C1GALT1: variants seen among roughly 807,000 people sequenced by gnomAD.
C1GALT1 encodes core 1 synthase, glycoprotein-N-acetylgalactosamine 3-beta-galactosyltransferase 1, also known as glycoprotein-N-acetylgalactosamine 3-beta-galactosyltransferase 1.
In C1GALT1, 11 loss-of-function variants were observed where a neutral mutation model predicts 31.0. The observed-to-expected ratio is 0.36, with a 90% CI of 0.22 to 0.59. The LOEUF is 0.59. Ranked by LOEUF, C1GALT1 falls within the 20% of genes least tolerant of loss-of-function variation. C1GALT1 has a pLI of 0.79. For synonymous variants in C1GALT1, 175 were observed against 143.6 expected (o/e 1.22, Z -1.56); for missense variants, 424 against 425.2 (o/e 1.00, Z 0.03).
At chr7:7,163,887 C>T (rs1402773769) in intron 2 of C1GALT1, among the ~76,000 whole-genome samples, 3 of 151,488 alleles carry the variant, frequency 2.0e-5, no homozygotes, top group Non-Finnish European at 4.4e-5. Context: ...AATGGCCATA[C>T]TGCCCAAGGT....
intron 1 of C1GALT1, among the ~76,000 whole-genome samples, chr7:7,212,296 G>C (rs760692787): frequency 6.6e-5 from 10 of 151,888 alleles, no homozygotes; most frequent in African/African-American, 2.2e-4. Context: ...TATGATGCCA[G>C]TTCTCCCAGG....
At chr7:7,231,291 G>C (rs190484851) in intron 1 of C1GALT1, among the ~76,000 whole-genome samples, 2 of 152,146 alleles carry the variant, frequency 1.3e-5, no homozygotes, top group East Asian at 3.9e-4. Context: ...ATGTACTTAG[G>C]TAACATTTTC....
intron 1 of C1GALT1, among the ~76,000 whole-genome samples, chr7:7,220,141 T>C (rs1782443913): frequency 1.3e-5 from 2 of 152,188 alleles, no homozygotes. Context: ...GAGAATCTTG[T>C]CTTTTGAGTT....
chr7:7,197,474 A>T (rs565659179), intron 1 of C1GALT1, among the ~76,000 whole-genome samples: 2 of 152,066 alleles, frequency 1.3e-5, no homozygotes, highest in African/African-American at 4.8e-5. Flanking sequence ...GTCAGGTAGC[A>T]TGATGCCTCC....
At chr7:7,208,522 C>G (rs1294867038) in intron 1 of C1GALT1, among the ~76,000 whole-genome samples, 1 of 151,946 alleles carries the variant, frequency 6.6e-6, no homozygotes, top group Non-Finnish European at 1.5e-5. Context: ...TGCCTCAGTC[C>G]TTGATGTTTG....
At chr7:7,165,148 A>G (rs1193077873) in intron 2 of C1GALT1, among the ~76,000 whole-genome samples, 1 of 152,176 alleles carries the variant, frequency 6.6e-6, no homozygotes, top group African/African-American at 2.4e-5. Context: ...CACAGTAGCC[A>G]GGAAGAGAAG....
At position 7,224,768 on chromosome 7, in the gene C1GALT1, C is replaced by CT. The variant is rs976042996; in HGVS notation, c.-17-9527dup. On this transcript the variant is annotated intron_variant, in intron 1 of 3. Coordinates refer to ENST00000436587, the MANE Select transcript of C1GALT1 (RefSeq NM_020156.5). Reference sequence around the variant, plus strand: ...TATTAATCTTATCAAAGAACCAGCTCTTTTTTTTACATTTTAGGTTCAGGG... The same window carrying CT: ...TATTAATCTTATCAAAGAACCAGCTCTTTTTTTTTACATTTTAGGTTCAGGG... Among the ~76,000 whole-genome samples, 9 of 151,904 alleles carry CT rather than the reference C, an allele frequency of 5.9e-5. No individual in the cohort carries two copies. In the South Asian group the frequency reaches 8.3e-4, roughly 14 times the overall value.
In C1GALT1 at chr7:7,216,126, G is replaced by A. The variant is rs575474711; in HGVS notation, c.-17-18177G>A. 6.6e-5 allele frequency among the ~76,000 whole-genome samples: 10 copies of A among 152,238 alleles called. No homozygotes were observed. In the East Asian group the frequency reaches 1.7e-3, roughly 26 times the overall value. On this transcript the variant is annotated intron_variant, in intron 1 of 3. Transcript: ENST00000436587. ...AAGAAAATGAGTTGCTTTCTTTAAA[G>A]TTCTGAGGTTAAGGAAGTTCCAGTG...
chr7:7,185,497 A>G (rs1186707784), intron 1 of C1GALT1, among the ~76,000 whole-genome samples: 1 of 152,162 alleles, frequency 6.6e-6, no homozygotes, highest in Non-Finnish European at 1.5e-5. Context: ...TGCTCTCTCA[A>G]GGTTCGAGGG....
intron 1 of C1GALT1, among the ~76,000 whole-genome samples, chr7:7,213,815 CAGATTAGTGCCTT>C (rs1263062089): frequency 6.6e-6 from 1 of 152,144 alleles, no homozygotes; most frequent in African/African-American, 2.4e-5. Flanking sequence ...TACTAAAGGG[CAGATTAGTGCCTT>C]AAGACCCTCT....
intron 1 of C1GALT1, among the ~76,000 whole-genome samples, chr7:7,232,499 T>G (rs1344802156): frequency 4.3e-3 from 149 of 35,034 alleles, no homozygotes; most frequent in African/African-American, 0.022. Flanking sequence ...TTTTTTTTGT[T>G]TTTTTTTTTT....
chr7:7,200,737 T>A (rs760504374), intron 1 of C1GALT1, among the ~76,000 whole-genome samples: 4 of 152,196 alleles, frequency 2.6e-5, no homozygotes, highest in Non-Finnish European at 5.9e-5. Context: ...TCTCTTCATT[T>A]CATTCATTTG....
chr7:7,201,426 C>G (rs1781526456), intron 1 of C1GALT1, among the ~76,000 whole-genome samples: 1 of 152,174 alleles, frequency 6.6e-6, no homozygotes, highest in Admixed American at 6.5e-5. Context: ...TGGGAGGTGT[C>G]TCCCAGTTAG....
intron 1 of C1GALT1, among the ~76,000 whole-genome samples, chr7:7,211,461 G>C (rs567248005): frequency 6.6e-6 from 1 of 152,260 alleles, no homozygotes; most frequent in African/African-American, 2.4e-5. Context: ...ATGCTTCCTT[G>C]TCAGTAACTA....
rs1259024259 is a variant in C1GALT1, at chr7:7,246,099, G to C, written c.*2372G>C. The C allele has an allele frequency of 6.6e-6, 1 of 152,148 alleles. No individual in the cohort carries two copies. Among genetic ancestry groups the C allele is most frequent in the Non-Finnish European group, 1.5e-5 (1 of 68,022 alleles). The allele number at this position is 152,148 out of a possible 1,614,324, so 9.4% of individuals were successfully genotyped here. A position where few individuals can be genotyped will look rare whatever the true frequency, so the allele number is the denominator to read the frequency against. On this transcript the variant is annotated 3_prime_UTR_variant, in exon 4 of 4. Transcript: ENST00000436587. Reference sequence around the variant, plus strand: ...CAGATACTGAAGGAAATAAGTAATAGCTAGTATTTATCCAATGCCAACTGT... The same window carrying C: ...CAGATACTGAAGGAAATAAGTAATACCTAGTATTTATCCAATGCCAACTGT...
upstream of C1GALT1, among the ~76,000 whole-genome samples, chr7:7,181,326 C>T (rs1780583360): frequency 6.9e-6 from 1 of 145,032 alleles, no homozygotes; most frequent in African/African-American, 2.6e-5. Flanking sequence ...AGAGAATGGA[C>T]GTAATCATGT....
chr7:7,197,568 A>C (rs1781349292), intron 1 of C1GALT1, among the ~76,000 whole-genome samples: 1 of 152,150 alleles, frequency 6.6e-6, no homozygotes, highest in Admixed American at 6.5e-5. Context: ...GCTTTTTCCA[A>C]TTCTGTGAAG....
In C1GALT1 at chr7:7,248,360, G is replaced by A. The variant is rs1215085518; in HGVS notation, c.*4633G>A. 1 of 151,858 alleles carries A rather than the reference G, an allele frequency of 6.6e-6. No individual in the cohort carries two copies. The highest frequency in any genetic ancestry group is 2.1e-4 in the South Asian group (1 of 4,826). The allele number at this position is 151,858 out of a possible 1,614,324, so 9.4% of individuals were successfully genotyped here. A position where few individuals can be genotyped will look rare whatever the true frequency, so the allele number is the denominator to read the frequency against. ...CCTGCAAATTAATAATCTACATGAA[G>A]TATATTATTAGAGGGAAACTAATCT... On this transcript the variant is annotated 3_prime_UTR_variant, in exon 4 of 4. Coordinates refer to ENST00000436587, the MANE Select transcript of C1GALT1 (RefSeq NM_020156.5).
chr7:7,226,760 G>A (rs1423481767), intron 1 of C1GALT1, among the ~76,000 whole-genome samples: 1 of 152,172 alleles, frequency 6.6e-6, no homozygotes, highest in African/African-American at 2.4e-5. Context: ...TAGAGGAGTT[G>A]TGATTAAAAA....
Sources: allele counts gnomAD v4.1 joint callset (sites outside exome capture counted in the v4.1 genomes callset), GRCh38; gene constraint gnomAD v4.1.1; transcripts MANE v1.5; gene names NCBI Gene and HGNC (gene_info 2026-07-23, HGNC 2026-07-21).